The following ROBO1 variants were observed in gnomAD, a reference collection of about 807,000 sequenced individuals.
The protein encoded by ROBO1 is roundabout guidance receptor 1.
A neutral mutation model predicts 195.9 loss-of-function variants in ROBO1; 149 were observed. The observed-to-expected ratio is 0.76, with a 90% CI of 0.67 to 0.87. The LOEUF is 0.87. ROBO1 is among the 40% of genes least tolerant of loss of function. ROBO1 has a pLI of 0.00. For missense variants in ROBO1, 1,933 were observed against 2,068.3 expected (o/e 0.93, Z 1.27); for synonymous variants, 816 against 733.2 (o/e 1.11, Z -1.82).
At chr3:78,750,275 A>C (rs1441250226) in intron 4 of ROBO1, among the ~76,000 whole-genome samples, 2 of 151,846 alleles carry the variant, frequency 1.3e-5, no homozygotes, top group East Asian at 3.9e-4. Context: ...AACAAGGTGA[A>C]ACCCCGTTTC....
chr3:79,001,725 A>C (rs1359601234), intron 3 of ROBO1, among the ~76,000 whole-genome samples: 4 of 152,150 alleles, frequency 2.6e-5, no homozygotes, highest in Non-Finnish European at 5.9e-5. Flanking sequence ...TCTCAAATAT[A>C]GAGCTTATCA....
intron 1 of ROBO1, among the ~76,000 whole-genome samples, chr3:79,635,689 A>T (rs1049204210): frequency 1.3e-5 from 2 of 152,196 alleles, no homozygotes; most frequent in Non-Finnish European, 2.9e-5. Context: ...ATTCAATTGT[A>T]TACAGCAGTC....
At position 79,355,651 on chromosome 3, in the gene ROBO1, C is replaced by T. The variant is rs189735755; in HGVS notation, c.89-230112G>A. The stretch of plus-strand genomic sequence containing the variant: ...CATTTAGATTCCATATATTTGTAAA[C>T]GGTGCCCTATTTGTCTTTCTGTGCC... On this transcript the variant is annotated intron_variant, in intron 2 of 30. Transcript: ENST00000464233. Among the ~76,000 whole-genome samples, 27 of 152,240 alleles carry T rather than the reference C, an allele frequency of 1.8e-4. No individual in the cohort carries two copies. The East Asian group carries it at 2.3e-3, about 13-fold the overall frequency.
chr3:79,538,474 C>A (rs1420679800), intron 2 of ROBO1, among the ~76,000 whole-genome samples: 1 of 151,452 alleles, frequency 6.6e-6, no homozygotes, highest in East Asian at 1.9e-4. Context: ...GATACTATCA[C>A]AAAAATGAAT....
chr3:78,887,642 A>C (rs2036643512), intron 4 of ROBO1, among the ~76,000 whole-genome samples: 1 of 152,136 alleles, frequency 6.6e-6, no homozygotes, highest in Non-Finnish European at 1.5e-5. Flanking sequence ...GAGTTGCAAA[A>C]GGGGAAGCCT....
chr3:78,602,579 T>C (rs559242467), intron 29 of ROBO1, among the ~76,000 whole-genome samples: 1 of 152,180 alleles, frequency 6.6e-6, no homozygotes, highest in Non-Finnish European at 1.5e-5. Context: ...TATAACCCTT[T>C]CTAAAATATA....
chr3:78,795,342 A>G (rs1412118646), intron 4 of ROBO1, among the ~76,000 whole-genome samples: 2 of 152,242 alleles, frequency 1.3e-5, no homozygotes, highest in Non-Finnish European at 2.9e-5. Flanking sequence ...CTCAAGAAAC[A>G]AAATTACGGC....
At chr3:79,342,481 G>A (rs945716636) in intron 2 of ROBO1, among the ~76,000 whole-genome samples, 3 of 152,146 alleles carry the variant, frequency 2.0e-5, no homozygotes, top group Middle Eastern at 3.2e-3. Context: ...TCGAGTGCTT[G>A]TTAAAAATTC....
intron 4 of ROBO1, among the ~76,000 whole-genome samples, chr3:78,782,493 G>T (rs1433968314): frequency 2.0e-5 from 3 of 151,992 alleles, no homozygotes; most frequent in African/African-American, 7.3e-5. Flanking sequence ...TACTGTGCCT[G>T]GCCCATAAAT....
chr3:79,201,908 ATTAT>A (rs2081772715), intron 2 of ROBO1, among the ~76,000 whole-genome samples: 1 of 149,508 alleles, frequency 6.7e-6, no homozygotes, highest in African/African-American at 2.4e-5. Flanking sequence ...ATATATAATT[ATTAT>A]TTATCAGGTT....
chr3:79,561,561 T>C (rs1242446545), intron 2 of ROBO1, among the ~76,000 whole-genome samples: 9 of 152,148 alleles, frequency 5.9e-5, no homozygotes, highest in Non-Finnish European at 1.2e-4. Context: ...CTGTAGATTG[T>C]AAATTTTATG....
At chr3:79,044,953 T>C (rs2078562698) in intron 3 of ROBO1, among the ~76,000 whole-genome samples, 2 of 151,982 alleles carry the variant, frequency 1.3e-5, no homozygotes, top group Non-Finnish European at 2.9e-5. Context: ...AAATAATAAA[T>C]GAAACAAATT....
intron 1 of ROBO1, among the ~76,000 whole-genome samples, chr3:79,624,482 T>C (rs1328290203): frequency 6.6e-6 from 1 of 150,434 alleles, no homozygotes; most frequent in Non-Finnish European, 1.5e-5. Context: ...ACACATAGGC[T>C]CAAAATAAAG....
intron 2 of ROBO1, among the ~76,000 whole-genome samples, chr3:79,244,128 G>A (rs1177980588): frequency 5.9e-5 from 9 of 151,774 alleles, no homozygotes; most frequent in East Asian, 1.9e-4. Context: ...TTGAACCCAC[G>A]GTTGTCAGAT....
At chr3:79,324,011 G>GT (rs747311720) in intron 2 of ROBO1, among the ~76,000 whole-genome samples, 62 of 149,776 alleles carry the variant, frequency 4.1e-4, no homozygotes, top group Middle Eastern at 6.9e-3. Context: ...TCAAAAATAA[G>GT]TTTTTTTTTT....
intron 8 of ROBO1, among the ~76,000 whole-genome samples, chr3:78,695,082 T>C (rs1421973155): frequency 7.4e-6 from 1 of 134,646 alleles, no homozygotes; most frequent in Non-Finnish European, 1.5e-5. Context: ...AGAATTCTTT[T>C]ATTAATTAAA....
chr3:79,457,916 T>G (rs1177999851), intron 2 of ROBO1, among the ~76,000 whole-genome samples: 1 of 152,072 alleles, frequency 6.6e-6, no homozygotes, highest in African/African-American at 2.4e-5. Context: ...GGAAAGAAGA[T>G]GGAGGTGAAG....
intron 2 of ROBO1, among the ~76,000 whole-genome samples, chr3:79,284,873 C>T (rs2031784968): frequency 6.6e-6 from 1 of 151,880 alleles, no homozygotes; most frequent in East Asian, 1.9e-4. Context: ...AATGCCACTT[C>T]AAATTAACTT....
chr3:78,850,830 G>C (rs1222839415), intron 4 of ROBO1, among the ~76,000 whole-genome samples: 1 of 151,054 alleles, frequency 6.6e-6, no homozygotes, highest in Non-Finnish European at 1.5e-5. Context: ...TTTTGAGATG[G>C]TGTTTCACTC....
Sources: allele counts gnomAD v4.1 joint callset (sites outside exome capture counted in the v4.1 genomes callset), GRCh38; gene constraint gnomAD v4.1.1; transcripts MANE v1.5; gene names NCBI Gene and HGNC (gene_info 2026-07-23, HGNC 2026-07-21).